Variants in PRRC2B observed in about 807,000 individuals in gnomAD.
PRRC2B encodes the protein proline rich coiled-coil 2B, also known as protein PRRC2B.
Under a neutral mutation model 242.3 loss-of-function variants are expected in PRRC2B, and 68 were observed. The observed-to-expected ratio is 0.28, with a 90% CI of 0.23 to 0.34. The LOEUF (loss-of-function observed/expected upper bound fraction) is 0.34. Ranked by LOEUF, PRRC2B falls within the 10% of genes least tolerant of loss-of-function variation. The pLI is 1.00. For synonymous variants in PRRC2B, 1,228 were observed against 1,173.6 expected (o/e 1.05, Z -0.95); for missense variants, 2,835 against 2,954.8 (o/e 0.96, Z 0.94).
chr9:131,420,500 T>TCC (rs1380661357), intron 1 of PRRC2B, among the ~76,000 whole-genome samples: 4 of 96,344 alleles, frequency 4.2e-5, no homozygotes, highest in African/African-American at 1.6e-4. Flanking sequence ...TTTCTTTTTT[T>TCC]TTTTTTTTTT....
chr9:131,422,423 C>T (rs1588243079), intron 1 of PRRC2B, among the ~76,000 whole-genome samples: 1 of 152,196 alleles, frequency 6.6e-6, no homozygotes, highest in Non-Finnish European at 1.5e-5. Context: ...GCAGTAGTAT[C>T]TTCCAGAAAG....
At chr9:131,481,311 C>CAA (rs11404767) in intron 19 of PRRC2B, among the ~76,000 whole-genome samples, 13,325 of 78,390 alleles carry the variant, frequency 0.17, 1,460 homozygotes, top group Non-Finnish European at 0.2. Context: ...ACTCCGTCTC[C>CAA]AAAAAAAAAA....
intron 23 of PRRC2B, 94 bp from the exon 24 acceptor site, chr9:131,484,592 G>A (rs1258034377): frequency 8.1e-6 from 8 of 982,644 alleles, no homozygotes; most frequent in East Asian, 7.4e-5. Flanking sequence ...ATTTGGACGA[G>A]CCTTGAGTGT....
chr9:131,384,833 C>CTG (rs1836807423), intron 1 of PRRC2B, among the ~76,000 whole-genome samples: 3 of 151,598 alleles, frequency 2.0e-5, no homozygotes, highest in Admixed American at 2.0e-4. Context: ...GGGATTACAG[C>CTG]TGTGAGCCAC....
At chr9:131,450,218 G>C (rs7853919) in intron 9 of PRRC2B, among the ~76,000 whole-genome samples, 133,952 of 152,110 alleles carry the variant, frequency 0.88, 59,519 homozygotes, top group South Asian at 0.97. Flanking sequence ...CGGGCATTTT[G>C]GTTAGGATTA....
At chr9:131,465,678 C>T (rs1373440111) in intron 12 of PRRC2B, among the ~76,000 whole-genome samples, 1 of 152,166 alleles carries the variant, frequency 6.6e-6, no homozygotes, top group Non-Finnish European at 1.5e-5. Context: ...AGCCCACTTG[C>T]TTGGTAGAAT....
chr9:131,391,463 C>T (rs957574348), upstream of PRRC2B, among the ~76,000 whole-genome samples: 2 of 152,188 alleles, frequency 1.3e-5, no homozygotes, highest in Non-Finnish European at 2.9e-5. Context: ...TTCATCTCTG[C>T]ATCTCAAGAT....
In PRRC2B at chr9:131,476,128, C is replaced by T. The variant is rs2131448280; in HGVS notation, c.3999C>T (p.His1333=). Residue 1333 remains histidine, a synonymous_variant, in exon 16 of 32, where the codon CAC becomes CAT. Coordinates refer to ENST00000683519, the MANE Select transcript of PRRC2B (RefSeq NM_013318.4). ...LGLWGPEEEP[H]LLAGQWPGRP... is the part of the protein sequence containing the mutation. ...TGTGGGGACCCGAGGAGGAGCCCCACCTGCTGGCAGGTCAGTGGCCAGGCA... is the reference window on the plus strand; with the variant it reads ...TGTGGGGACCCGAGGAGGAGCCCCATCTGCTGGCAGGTCAGTGGCCAGGCA... 3 of 1,610,458 alleles carry T rather than the reference C, an allele frequency of 1.9e-6. No individual in the cohort carries two copies. The highest frequency in any genetic ancestry group is 1.1e-5 in the South Asian group (1 of 91,004).
upstream of PRRC2B, chr9:131,394,023 G>A (rs1221814474): frequency 6.6e-6 from 1 of 150,634 alleles, no homozygotes; most frequent in African/African-American, 2.4e-5. Context: ...GGAGGAGGAG[G>A]ACGAGGAGGC....
At chr9:131,374,268 C>G (rs1836654675) in intron 1 of PRRC2B, among the ~76,000 whole-genome samples, 1 of 151,968 alleles carries the variant, frequency 6.6e-6, no homozygotes, top group South Asian at 2.1e-4. Context: ...AAACTAAACA[C>G]ACTGTGGCTG....
chr9:131,412,797 CT>C (rs35175798), intron 1 of PRRC2B, among the ~76,000 whole-genome samples: 40 of 138,030 alleles, frequency 2.9e-4, no homozygotes, highest in African/African-American at 6.4e-4. Context: ...CTCTCTCTCT[CT>C]TTTTTTTTTT....
intron 3 of PRRC2B, 128 bp from the exon 4 acceptor site, chr9:131,436,492 C>T (rs918932283): frequency 1.3e-5 from 8 of 629,238 alleles, no homozygotes; most frequent in Admixed American, 3.0e-5. Flanking sequence ...TGGGGAAAGT[C>T]GTATTTTTAT....
At chr9:131,420,457 CTTTCTTTCT>C in intron 1 of PRRC2B, among the ~76,000 whole-genome samples, 1 of 10,296 alleles carries the variant, frequency 9.7e-5, no homozygotes, top group African/African-American at 1.8e-4. Flanking sequence ...TTTTCTTTTT[CTTTCTTTCT>C]TTCTTTCTTT....
intron 1 of PRRC2B, among the ~76,000 whole-genome samples, chr9:131,387,305 G>A (rs1836838793): frequency 6.7e-6 from 1 of 149,816 alleles, no homozygotes. Context: ...CCGGCCACCT[G>A]TCTCTCTCTC....
intron 1 of PRRC2B, among the ~76,000 whole-genome samples, chr9:131,375,632 C>G (rs1412842001): frequency 6.6e-6 from 1 of 152,140 alleles, no homozygotes; most frequent in East Asian, 1.9e-4. Context: ...TCAGAAGGCT[C>G]TTGTTCCACA....
rs267602148 is a variant in PRRC2B, at chr9:131,475,151, C to G, written c.3022C>G (p.Pro1008Ala). ...CACCACCACTTTGGAGGACAAAGGCCCTGGCCATGCCACTTTTGGCCGCGA... is the reference window on the plus strand; with the variant it reads ...CACCACCACTTTGGAGGACAAAGGCGCTGGCCATGCCACTTTTGGCCGCGA... ...SSTTTLEDKGPGHATFGREAT... is the reference protein window; with the variant it reads ...SSTTTLEDKGAGHATFGREAT... Residue 1008 changes from proline to alanine, a missense_variant, in exon 16 of 32, where the codon CCT becomes GCT. By Grantham distance (27) the Pro-to-Ala change is conservative. Around this residue, in one of 7 missense-constraint regions of PRRC2B, gnomAD observed 1,536 missense variants for 1,483.1 expected, o/e 1.04. Coordinates refer to ENST00000683519, the MANE Select transcript of PRRC2B (RefSeq NM_013318.4). 2.5e-6 allele frequency: 4 copies of G among 1,613,056 alleles called. No individual in the cohort carries two copies. The South Asian group carries it at 3.3e-5, about 13-fold the overall frequency.
chr9:131,430,284 T>C (rs1564281394), intron 2 of PRRC2B, 25 bp downstream of exon 2: 1 of 1,396,830 alleles, frequency 7.2e-7, no homozygotes, highest in East Asian at 2.4e-5. Flanking sequence ...TGAAGGCCAG[T>C]TCCTCAAACT....
Position 131,430,079 on chromosome 9 carries a change from C to G in PRRC2B, c.-51-15C>G. On this transcript the variant is annotated splice_polypyrimidine_tract_variant and intron_variant, in intron 1 of 31. Coordinates refer to ENST00000683519, the MANE Select transcript of PRRC2B (RefSeq NM_013318.4). ...CTCTCTCTTTTTTTTTTTTTCTTCT[C>G]TATTTCAAAGGCAGATCGGGAGCGG... is the stretch of plus-strand genomic sequence containing the variant. 6.6e-6 allele frequency: 3 copies of G among 455,502 alleles called. No individual in the cohort carries two copies. The highest frequency in any genetic ancestry group is 1.1e-5 in the Non-Finnish European group (3 of 274,818). 28.2% of individuals were successfully genotyped at this position (455,502 alleles called of 1,614,324 possible).
At chr9:131,478,649 G>GCCCCGGCGC in intron 18 of PRRC2B, 30 bp downstream of exon 18, 1 of 504,562 alleles carries the variant, frequency 2.0e-6, no homozygotes, top group Non-Finnish European at 4.0e-6. Flanking sequence ...GGGGCATGGG[G>GCCCCGGCGC]CTGGAGGGCA....
Sources: gnomAD v4.1 joint callset for allele counts (sites outside exome capture counted in the v4.1 genomes callset) on GRCh38, gnomAD v4.1.1 for gene constraint, gnomAD v4.1.1 regional missense constraint, MANE v1.5 for transcripts, NCBI Gene and HGNC (gene_info 2026-07-23, HGNC 2026-07-21) for gene names.